SCFD2: variants seen among roughly 807,000 people sequenced by gnomAD.
SCFD2 encodes the protein sec1 family domain-containing protein 2.
In SCFD2, 54 loss-of-function variants were observed where a neutral mutation model predicts 58.9. The observed-to-expected ratio is 0.92, with a 90% CI of 0.74 to 1.15. SCFD2 has a LOEUF of 1.15. Ranked by LOEUF, SCFD2 falls within the 50% of genes most tolerant of loss-of-function variation. The pLI is 0.00. For missense variants in SCFD2, 805 were observed against 836.6 expected, an observed-to-expected ratio of 0.96 and a Z score of 0.47; for synonymous variants, 321 against 335.9, an observed-to-expected ratio of 0.96 and a Z score of 0.49.
intron 4 of SCFD2, among the ~76,000 whole-genome samples, chr4:53,211,191 T>C (rs1365033454): frequency 6.7e-6 from 1 of 150,176 alleles, no homozygotes; most frequent in Non-Finnish European, 1.5e-5. Context: ...TGCAATGAGC[T>C]GAGATTGCAC....
intron 5 of SCFD2, among the ~76,000 whole-genome samples, chr4:53,123,325 T>G (rs892979442): frequency 6.6e-6 from 1 of 152,158 alleles, no homozygotes; most frequent in African/African-American, 2.4e-5. Context: ...GATTAGGCTG[T>G]GTACATATAG....
intron 2 of SCFD2, among the ~76,000 whole-genome samples, chr4:53,329,575 C>T (rs1733353977): frequency 6.6e-6 from 1 of 151,400 alleles, no homozygotes; most frequent in Non-Finnish European, 1.5e-5. Context: ...AAAGGACATC[C>T]ACACCAAAAA....
At chr4:53,299,593 A>G (rs547726529) in intron 3 of SCFD2, among the ~76,000 whole-genome samples, 3,248 of 149,318 alleles carry the variant, frequency 0.022, 75 homozygotes, top group African/African-American at 0.061. Context: ...GGAAATACAG[A>G]GAATACCACA....
intron 4 of SCFD2, among the ~76,000 whole-genome samples, chr4:53,229,959 A>C (rs1362725099): frequency 1.3e-5 from 2 of 152,236 alleles, no homozygotes; most frequent in Non-Finnish European, 2.9e-5. Flanking sequence ...AAAGTGGGCC[A>C]AGGAGATGAA....
intron 7 of SCFD2, among the ~76,000 whole-genome samples, chr4:52,899,133 C>A (rs553402480): frequency 1.3e-5 from 2 of 152,180 alleles, no homozygotes; most frequent in African/African-American, 4.8e-5. Context: ...TTAATTGGAG[C>A]ATGTAGCCCA....
chr4:52,935,146 T>C (rs1448562251), intron 5 of SCFD2, among the ~76,000 whole-genome samples: 1 of 152,198 alleles, frequency 6.6e-6, no homozygotes, highest in Non-Finnish European at 1.5e-5. Flanking sequence ...AGATCTTTAA[T>C]TACAATGAAT....
intron 4 of SCFD2, among the ~76,000 whole-genome samples, chr4:53,179,081 A>G (rs1315110203): frequency 6.6e-6 from 1 of 152,236 alleles, no homozygotes; most frequent in Non-Finnish European, 1.5e-5. Context: ...ACTCTGCAGG[A>G]TATTATCCAG....
chr4:53,343,086 G>A (rs1209051646), intron 2 of SCFD2, among the ~76,000 whole-genome samples: 1 of 152,094 alleles, frequency 6.6e-6, no homozygotes, highest in Admixed American at 6.6e-5. Flanking sequence ...AAAGCTAGAA[G>A]AAGGCAAGAA....
At chr4:53,305,306 T>C (rs1732478817) in intron 3 of SCFD2, among the ~76,000 whole-genome samples, 1 of 152,158 alleles carries the variant, frequency 6.6e-6, no homozygotes, top group Non-Finnish European at 1.5e-5. Flanking sequence ...TTTATCCATT[T>C]TGAGTTTATT....
intron 4 of SCFD2, among the ~76,000 whole-genome samples, chr4:53,201,718 T>C (rs1167024842): frequency 2.6e-5 from 4 of 152,224 alleles, no homozygotes; most frequent in African/African-American, 9.6e-5. Flanking sequence ...ATTGCCATTC[T>C]AACTGGTGGG....
At chr4:53,058,431 G>A (rs1270754134) in intron 5 of SCFD2, among the ~76,000 whole-genome samples, 1 of 151,754 alleles carries the variant, frequency 6.6e-6, no homozygotes, top group Non-Finnish European at 1.5e-5. Context: ...AATGTCTCGG[G>A]GAAAGTAGCC....
At chr4:53,312,388 T>A (rs1256757089) in intron 3 of SCFD2, among the ~76,000 whole-genome samples, 1 of 152,200 alleles carries the variant, frequency 6.6e-6, no homozygotes, top group Non-Finnish European at 1.5e-5. Context: ...CTTGGGCAAC[T>A]TATTTTTCTG....
At chr4:53,167,788 C>T (rs1225915476) in intron 4 of SCFD2, among the ~76,000 whole-genome samples, 1 of 152,148 alleles carries the variant, frequency 6.6e-6, no homozygotes, top group African/African-American at 2.4e-5. Context: ...TAAGACTAAT[C>T]TCTGTACTTG....
chr4:53,090,850 G>T (rs1382908282), intron 5 of SCFD2, among the ~76,000 whole-genome samples: 1 of 152,068 alleles, frequency 6.6e-6, no homozygotes, highest in Non-Finnish European at 1.5e-5. Context: ...CCACCCCTAT[G>T]GGATAAGCAC....
chr4:52,891,288 C>A (rs1344965933), intron 7 of SCFD2, among the ~76,000 whole-genome samples: 2 of 152,268 alleles, frequency 1.3e-5, no homozygotes, highest in African/African-American at 2.4e-5. Context: ...GAGAAAAGAA[C>A]CCCTGCTGTC....
intron 5 of SCFD2, among the ~76,000 whole-genome samples, chr4:53,037,190 A>G (rs1301478053): frequency 2.6e-5 from 4 of 152,210 alleles, no homozygotes; most frequent in Non-Finnish European, 4.4e-5. Context: ...CCAAAGGAAT[A>G]TAGTATTCCT....
chr4:53,249,145 A>T (rs545344396), intron 4 of SCFD2, among the ~76,000 whole-genome samples: 1 of 152,356 alleles, frequency 6.6e-6, no homozygotes, highest in Non-Finnish European at 1.5e-5. Flanking sequence ...AGGCTCGAGA[A>T]CTACGTGAAG....
At chr4:53,192,002 A>G (rs921955815) in intron 4 of SCFD2, among the ~76,000 whole-genome samples, 28 of 152,306 alleles carry the variant, frequency 1.8e-4, no homozygotes, top group African/African-American at 6.7e-4. Context: ...ATTTAATGTC[A>G]GGAATCCCCA....
intron 5 of SCFD2, among the ~76,000 whole-genome samples, chr4:53,086,378 A>G (rs1724304823): frequency 3.3e-5 from 5 of 152,156 alleles, no homozygotes; most frequent in Admixed American, 6.5e-5. Flanking sequence ...AAAGACAGGC[A>G]ATAACAAATG....
Sources: allele counts gnomAD v4.1 joint callset (sites outside exome capture counted in the v4.1 genomes callset), GRCh38; gene constraint gnomAD v4.1.1; transcripts MANE v1.5; gene names NCBI Gene and HGNC (gene_info 2026-07-23, HGNC 2026-07-21).